Variants in ARL15 observed in about 807,000 individuals in gnomAD.
ARL15 encodes ADP-ribosylation factor-like protein 15.
ARL15 carries 19 observed loss-of-function variants against 25.2 expected under a neutral mutation model. The ratio of observed to expected loss-of-function variants is 0.75; its 90% CI spans 0.53 to 1.10. ARL15 has a LOEUF of 1.10. Ranked by LOEUF, ARL15 falls within the 50% of genes least tolerant of loss-of-function variation. The pLI, the probability that ARL15 is intolerant of heterozygous loss-of-function variation, is 0.00. For missense variants in ARL15, 220 were observed against 246.0 expected (o/e 0.89, Z 0.71); for synonymous variants, 94 against 86.8 (o/e 1.08, Z -0.46).
chr5:53,933,872 C>T (rs1746274917), intron 4 of ARL15, among the ~76,000 whole-genome samples: 1 of 152,056 alleles, frequency 6.6e-6, no homozygotes. Flanking sequence ...ATAGCAATGA[C>T]CAAGGGCTGA....
intron 1 of ARL15, among the ~76,000 whole-genome samples, chr5:54,223,491 A>G (rs1756435486): frequency 6.6e-6 from 1 of 152,152 alleles, no homozygotes; most frequent in South Asian, 2.1e-4. Context: ...CATTTTAGAG[A>G]TAGAAAAGGG....
At chr5:54,214,107 A>G (rs1226872930) in intron 1 of ARL15, among the ~76,000 whole-genome samples, 1 of 152,118 alleles carries the variant, frequency 6.6e-6, no homozygotes, top group Admixed American at 6.6e-5. Context: ...GAAGGGGGGA[A>G]AAAAGGAGAG....
At chr5:53,942,929 C>T (rs903410816) in intron 4 of ARL15, among the ~76,000 whole-genome samples, 1 of 152,046 alleles carries the variant, frequency 6.6e-6, no homozygotes, top group Non-Finnish European at 1.5e-5. Flanking sequence ...GGGATGGATC[C>T]GCTGTGGATT....
In ARL15 at chr5:54,265,123, G is replaced by A. The variant is rs72754272; in HGVS notation, c.48+45309C>T. On this transcript the variant is annotated intron_variant, in intron 1 of 4. Transcript: ENST00000504924. The stretch of plus-strand genomic sequence containing the variant: ...GCACAGCTCATGACATCAACTCCCT[G>A]CTGTAATTTTTTTAAATAAAAGTAT... Among the ~76,000 whole-genome samples, 1,484 of 152,134 alleles carry A rather than the reference G, an allele frequency of 9.8e-3. 9 individuals carry two copies. Among genetic ancestry groups the A allele is most frequent in the Middle Eastern group, 0.02 (6 of 294 alleles).
chr5:54,275,391 C>G (rs1757900959), intron 1 of ARL15, among the ~76,000 whole-genome samples: 1 of 152,130 alleles, frequency 6.6e-6, no homozygotes, highest in Admixed American at 6.5e-5. Context: ...CTTTGGTAGT[C>G]AGGTATCATC....
At chr5:53,961,086 A>T (rs1337993329) in intron 4 of ARL15, among the ~76,000 whole-genome samples, 1 of 152,176 alleles carries the variant, frequency 6.6e-6, no homozygotes, top group African/African-American at 2.4e-5. Context: ...ATAAATAGGA[A>T]ATAGGATAAC....
chr5:53,945,276 A>C (rs1177155027), intron 4 of ARL15, among the ~76,000 whole-genome samples: 2 of 152,336 alleles, frequency 1.3e-5, no homozygotes, highest in African/African-American at 4.8e-5. Context: ...TTACGTTGCA[A>C]CTGTGAACAC....
Position 54,241,478 on chromosome 5 carries a change from T to C in ARL15, c.48+68954A>G, listed in dbSNP as rs138227562. Among the ~76,000 whole-genome samples, 1,178 of 152,290 alleles carry C rather than the reference T, an allele frequency of 7.7e-3. 11 individuals are homozygous for C. Among genetic ancestry groups the C allele is most frequent in the African/African-American group, 0.027 (1,114 of 41,570 alleles). Reference sequence around the variant, plus strand: ...TCTTTACCTATAGAGATAATTATAGTTACTCATAGGTTCTTTTTTCCAAGA... The same window carrying C: ...TCTTTACCTATAGAGATAATTATAGCTACTCATAGGTTCTTTTTTCCAAGA... On this transcript the variant is annotated intron_variant, in intron 1 of 4. Coordinates refer to ENST00000504924, the MANE Select transcript of ARL15 (RefSeq NM_019087.3).
chr5:54,306,956 A>C (rs1385195841), intron 1 of ARL15, among the ~76,000 whole-genome samples: 4 of 152,204 alleles, frequency 2.6e-5, no homozygotes, highest in African/African-American at 9.6e-5. Flanking sequence ...TTTCTCTTTC[A>C]TTTTAACCTG....
At chr5:54,259,687 T>C (rs1757450064) in intron 1 of ARL15, among the ~76,000 whole-genome samples, 2 of 152,188 alleles carry the variant, frequency 1.3e-5, no homozygotes, top group African/African-American at 4.8e-5. Context: ...CTCTTCTGTA[T>C]CTCAGAGAAC....
intron 1 of ARL15, among the ~76,000 whole-genome samples, chr5:54,291,386 A>G (rs1379537599): frequency 6.6e-6 from 1 of 152,232 alleles, no homozygotes; most frequent in Non-Finnish European, 1.5e-5. Flanking sequence ...ATCCACCTGT[A>G]TACTTTACAT....
chr5:54,002,279 G>A (rs755501149), intron 4 of ARL15, among the ~76,000 whole-genome samples: 16 of 152,128 alleles, frequency 1.1e-4, no homozygotes, highest in South Asian at 4.1e-4. Flanking sequence ...GACATCAGTC[G>A]TCCTCTAAAC....
chr5:54,296,473 CT>C (rs1391688307), intron 1 of ARL15, among the ~76,000 whole-genome samples: 1 of 152,232 alleles, frequency 6.6e-6, no homozygotes, highest in African/African-American at 2.4e-5. Flanking sequence ...GGCTCTGCCC[CT>C]GACCATTATT....
intron 1 of ARL15, among the ~76,000 whole-genome samples, chr5:54,230,678 C>T (rs1353447293): frequency 6.6e-6 from 1 of 152,154 alleles, no homozygotes; most frequent in Non-Finnish European, 1.5e-5. Flanking sequence ...CAAGTCTTCC[C>T]TGTAATCCTG....
intron 4 of ARL15, among the ~76,000 whole-genome samples, chr5:53,914,391 T>C (rs955507235): frequency 1.3e-5 from 2 of 152,078 alleles, no homozygotes; most frequent in Admixed American, 6.5e-5. Flanking sequence ...AAATATACCA[T>C]GTATTAATTT....
At chr5:53,930,744 A>G (rs1746171003) in intron 4 of ARL15, among the ~76,000 whole-genome samples, 1 of 152,266 alleles carries the variant, frequency 6.6e-6, no homozygotes, top group East Asian at 1.9e-4. Context: ...CCATCATCAG[A>G]CCTCTGGACA....
At chr5:54,168,278 C>A (rs1166560058) in intron 2 of ARL15, among the ~76,000 whole-genome samples, 1 of 152,092 alleles carries the variant, frequency 6.6e-6, no homozygotes, top group Non-Finnish European at 1.5e-5. Flanking sequence ...TCTCAAATCT[C>A]TCTAGTCTGC....
At chr5:53,957,300 G>C (rs1003986996) in intron 4 of ARL15, among the ~76,000 whole-genome samples, 8 of 151,728 alleles carry the variant, frequency 5.3e-5, no homozygotes, top group African/African-American at 1.9e-4. Context: ...AAAAGGAGTG[G>C]GACAACATTT....
At chr5:54,192,069 G>T (rs1032906512) in intron 1 of ARL15, among the ~76,000 whole-genome samples, 1 of 151,978 alleles carries the variant, frequency 6.6e-6, no homozygotes, top group African/African-American at 2.4e-5. Context: ...CCTGGCCCAC[G>T]CTTGGTAACA....
Sources: allele counts gnomAD v4.1 joint callset (sites outside exome capture counted in the v4.1 genomes callset), GRCh38; gene constraint gnomAD v4.1.1; transcripts MANE v1.5; gene names NCBI Gene and HGNC (gene_info 2026-07-23, HGNC 2026-07-21).